Variants in FOXP1 observed in about 807,000 individuals in gnomAD.
FOXP1 encodes the protein forkhead box protein P1.
Under a neutral mutation model 98.2 loss-of-function variants are expected in FOXP1, and 15 were observed. The ratio of observed to expected loss-of-function variants is 0.15; its 90% CI spans 0.10 to 0.24. The LOEUF (loss-of-function observed/expected upper bound fraction) is 0.24. FOXP1 is among the 10% of genes least tolerant of loss of function. The pLI is 1.00. For missense variants in FOXP1, 633 were observed against 848.5 expected (o/e 0.75, Z 3.15); for synonymous variants, 371 against 314.5 (o/e 1.18, Z -1.90).
intron 2 of FOXP1, among the ~76,000 whole-genome samples, chr3:71,495,062 G>A (rs981602577): frequency 2.4e-4 from 36 of 152,142 alleles, no homozygotes; most frequent in Admixed American, 3.9e-4. Flanking sequence ...CTTCTCTGAC[G>A]CTGCCTTAAC....
intron 20 of FOXP1, among the ~76,000 whole-genome samples, chr3:70,962,269 CTCTTTT>C (rs1469168745): frequency 1.3e-5 from 2 of 152,022 alleles, no homozygotes; most frequent in Non-Finnish European, 2.9e-5. Flanking sequence ...CTTTCTCTTT[CTCTTTT>C]ACTGTTTGTA....
chr3:71,435,072 T>C (rs953851701), intron 3 of FOXP1, among the ~76,000 whole-genome samples: 1 of 150,720 alleles, frequency 6.6e-6, no homozygotes, highest in African/African-American at 2.4e-5. Flanking sequence ...TTTTCAGCTA[T>C]GTCATTCTTT....
chr3:71,510,415 T>A (rs1246988268), intron 2 of FOXP1, among the ~76,000 whole-genome samples: 1 of 151,952 alleles, frequency 6.6e-6, no homozygotes, highest in Non-Finnish European at 1.5e-5. Flanking sequence ...AGGCAGAGGA[T>A]GTAGTGAGCT....
At chr3:71,255,687 T>C (rs1234236390) in intron 5 of FOXP1, among the ~76,000 whole-genome samples, 1 of 152,204 alleles carries the variant, frequency 6.6e-6, no homozygotes, top group Non-Finnish European at 1.5e-5. Context: ...AAAATCTCCC[T>C]GGAAAAATTG....
At chr3:71,029,460 G>A (rs977955815) in intron 11 of FOXP1, among the ~76,000 whole-genome samples, 9 of 151,410 alleles carry the variant, frequency 5.9e-5, no homozygotes, top group Admixed American at 2.0e-4. Context: ...GTGTGATCTC[G>A]GCTCACTGCA....
chr3:71,516,475 G>C (rs1443979419), intron 2 of FOXP1, among the ~76,000 whole-genome samples: 2 of 152,198 alleles, frequency 1.3e-5, no homozygotes, highest in African/African-American at 4.8e-5. Context: ...CTCATACTTT[G>C]TATCCTAATC....
At chr3:70,977,175 G>GATTAATGGTTGTATTTAACAGTTCA (rs2037741381) in intron 16 of FOXP1, 133 bp from the exon 17 acceptor site, 1 of 682,336 alleles carries the variant, frequency 1.5e-6, no homozygotes, top group Non-Finnish European at 2.6e-6. Context: ...AATGATCTAA[G>GATTAATGGTTGTATTTAACAGTTCA]ATTAATGGTT....
At chr3:71,021,742 T>C (rs2045475902) in intron 11 of FOXP1, among the ~76,000 whole-genome samples, 1 of 152,220 alleles carries the variant, frequency 6.6e-6, no homozygotes, top group Non-Finnish European at 1.5e-5. Context: ...TGGTACCTTA[T>C]TGTGCTTTTG....
At chr3:71,271,985 A>G (rs1019799826) in intron 5 of FOXP1, among the ~76,000 whole-genome samples, 6 of 152,222 alleles carry the variant, frequency 3.9e-5, no homozygotes, top group African/African-American at 1.4e-4. Context: ...TTGTTCTTGT[A>G]CTCAAAAAAG....
At chr3:71,072,724 T>C (rs75334559) in intron 7 of FOXP1, among the ~76,000 whole-genome samples, 1,987 of 152,308 alleles carry the variant, frequency 0.013, 40 homozygotes, top group African/African-American at 0.043. Flanking sequence ...CAAAAAAGAT[T>C]TCTGAATATC....
chr3:71,207,053 C>G (rs2064092672), intron 5 of FOXP1, among the ~76,000 whole-genome samples: 1 of 152,162 alleles, frequency 6.6e-6, no homozygotes, highest in Non-Finnish European at 1.5e-5. Context: ...CACAAGGAAG[C>G]CTCTGAAGGT....
chr3:71,000,948 T>G (rs767542606), intron 13 of FOXP1, 24 bp downstream of exon 13: 9 of 1,474,246 alleles, frequency 6.1e-6, no homozygotes, highest in Non-Finnish European at 8.6e-6. Context: ...CTGAGGTTAA[T>G]ATTAAAAATA....
intron 6 of FOXP1, among the ~76,000 whole-genome samples, chr3:71,171,214 C>T (rs1430363483): frequency 6.6e-6 from 1 of 151,712 alleles, no homozygotes; most frequent in African/African-American, 2.4e-5. Context: ...AGGGTTAAAG[C>T]TATTTGAGGG....
At chr3:71,243,217 T>G (rs762386580) in intron 5 of FOXP1, among the ~76,000 whole-genome samples, 1 of 152,210 alleles carries the variant, frequency 6.6e-6, no homozygotes, top group Admixed American at 6.5e-5. Flanking sequence ...CACTCAGATG[T>G]GTTTTTCGAC....
chr3:71,358,523 C>T (rs953520944), intron 4 of FOXP1, among the ~76,000 whole-genome samples: 2 of 152,200 alleles, frequency 1.3e-5, no homozygotes, highest in African/African-American at 4.8e-5. Flanking sequence ...AGTGCTTTCA[C>T]ATGCATTATA....
intron 6 of FOXP1, among the ~76,000 whole-genome samples, chr3:71,123,415 C>T (rs1470991625): frequency 6.6e-6 from 1 of 152,228 alleles, no homozygotes; most frequent in African/African-American, 2.4e-5. Flanking sequence ...TTGATGTTGT[C>T]CCCATCATAC....
At chr3:71,264,425 C>T (rs1228886108) in intron 5 of FOXP1, among the ~76,000 whole-genome samples, 1 of 152,122 alleles carries the variant, frequency 6.6e-6, no homozygotes, top group Non-Finnish European at 1.5e-5. Context: ...TTCCAGAGTG[C>T]ACTCAAATGA....
Position 70,955,832 on chromosome 3 carries a change from G to GCACACACACA in FOXP1, c.*3405_*3414dup, listed in dbSNP as rs143202281. 13,965 of 221,092 alleles carry GCACACACACA rather than the reference G, an allele frequency of 0.063. 512 individuals are homozygous for GCACACACACA. Among genetic ancestry groups the GCACACACACA allele is most frequent in the East Asian group, 0.17 (2,734 of 15,900 alleles). The allele number at this position is 221,092 out of a possible 1,614,324, so 13.7% of individuals were successfully genotyped here. A position where few individuals can be genotyped will look rare whatever the true frequency, so the allele number is the denominator to read the frequency against. On this transcript the variant is annotated 3_prime_UTR_variant, in exon 21 of 21. Transcript: ENST00000649528. The stretch of plus-strand genomic sequence containing the variant: ...AACAGATTAACACACACGCACGCGC[G>GCACACACACA]CACACACACACACACACACACACAA...
Position 70,977,934 on chromosome 3 carries a change from CA to C in FOXP1, c.1241del (p.Leu414ArgfsTer60). The C allele has an allele frequency of 6.2e-7, 1 of 1,614,086 alleles. No homozygotes were observed. The highest frequency in any genetic ancestry group is 8.5e-7 in the Non-Finnish European group (1 of 1,180,024). ...CAGAGGGGCCTTGGGTGACGGGAGTCAGGGGGGCGGTTGGGGTCGTTGGAGT... is the reference window on the plus strand; with the variant it reads ...CAGAGGGGCCTTGGGTGACGGGAGTCGGGGGGCGGTTGGGGTCGTTGGAGT... ...PHTPTTPTAP[L>X]TPVTQGPSVI... On this transcript the variant is annotated frameshift_variant, in exon 15 of 21. Coordinates refer to ENST00000649528, the MANE Select transcript of FOXP1 (RefSeq NM_001349338.3). LOFTEE classifies it high-confidence loss of function.
Sources: allele counts gnomAD v4.1 joint callset (sites outside exome capture counted in the v4.1 genomes callset), GRCh38; gene constraint gnomAD v4.1.1; transcripts MANE v1.5; gene names NCBI Gene and HGNC (gene_info 2026-07-23, HGNC 2026-07-21).